ADCY9: variants seen among roughly 807,000 people sequenced by gnomAD.
The protein encoded by ADCY9 is adenylate cyclase type 9.
ADCY9 carries 50 observed loss-of-function variants against 101.5 expected under a neutral mutation model. That is an observed-to-expected ratio of 0.49 (90% CI 0.39 to 0.62). ADCY9 has a LOEUF of 0.62. Among genes scored for constraint, ADCY9 ranks in the 20% least tolerant of loss-of-function variants. ADCY9 has a pLI of 0.00. For missense variants in ADCY9, 1,662 were observed against 1,800.4 expected (o/e 0.92, Z 1.39); for synonymous variants, 905 against 769.3 (o/e 1.18, Z -2.92).
At chr16:3,956,305 CTTCT>C (rs1002057511) in intron 5 of ADCY9, among the ~76,000 whole-genome samples, 1 of 151,926 alleles carries the variant, frequency 6.6e-6, no homozygotes, top group African/African-American at 2.4e-5. Context: ...CTTTTCTTTC[CTTCT>C]AAGTGCCTGA....
At chr16:4,051,014 A>G (rs919400046) in intron 2 of ADCY9, among the ~76,000 whole-genome samples, 1 of 151,374 alleles carries the variant, frequency 6.6e-6, no homozygotes, top group African/African-American at 2.4e-5. Context: ...CAAGTTGGAG[A>G]TCAGCCTGGC....
chr16:4,042,941 T>C (rs941518083), intron 2 of ADCY9, among the ~76,000 whole-genome samples: 2 of 152,196 alleles, frequency 1.3e-5, no homozygotes, highest in Non-Finnish European at 2.9e-5. Flanking sequence ...ACTAAAAATA[T>C]TAAAACTCGG....
Position 3,965,334 on chromosome 16 carries a change from A to C in ADCY9, c.*441T>G, listed in dbSNP as rs2055980023. On this transcript the variant is annotated 3_prime_UTR_variant, in exon 11 of 11. Transcript: ENST00000294016. Reference sequence around the variant, plus strand: ...TAGAGGAACACTGTGACATAGACAGAAACAAAATAAACTCAAAAACAGGGT... The same window carrying C: ...TAGAGGAACACTGTGACATAGACAGCAACAAAATAAACTCAAAAACAGGGT... 1 of 196,028 alleles carries C rather than the reference A, an allele frequency of 5.1e-6. No individual in the cohort carries two copies. Among genetic ancestry groups the C allele is most frequent in the East Asian group, 1.3e-4 (1 of 7,740 alleles). The allele number at this position is 196,028 out of a possible 1,614,324, so 12.1% of individuals were successfully genotyped here.
At position 3,985,327 on chromosome 16, in the gene ADCY9, A is replaced by G. The variant is rs377248208; in HGVS notation, c.2311-1887T>C. 5.3e-5 allele frequency among the ~76,000 whole-genome samples: 8 copies of G among 151,844 alleles called. No individual in the cohort carries two copies. The East Asian group carries it at 1.4e-3, about 26-fold the overall frequency. ...GCTAATTTTTGTATGATTAGTAGAG[A>G]TGGGATTTCACCAAGTTGGCTAGGA... On this transcript the variant is annotated intron_variant, in intron 6 of 10. Coordinates refer to ENST00000294016, the MANE Select transcript of ADCY9 (RefSeq NM_001116.4).
At position 4,097,487 on chromosome 16, in the gene ADCY9, T is replaced by TATATATACACACACAC. The variant is rs76750792; in HGVS notation, c.1693+16262_1693+16263insGTGTGTGTGTATATAT. On this transcript the variant is annotated intron_variant, in intron 2 of 10. Coordinates refer to ENST00000294016, the MANE Select transcript of ADCY9 (RefSeq NM_001116.4). ...ATATATATATATATATATATATATA[T>TATATATACACACACAC]ACACACACACACACTATATATATGT... Among the ~76,000 whole-genome samples, 609 of 72,214 alleles carry TATATATACACACACAC rather than the reference T, an allele frequency of 8.4e-3. 10 individuals are homozygous for TATATATACACACACAC. The highest frequency in any genetic ancestry group is 0.012 in the Non-Finnish European group (440 of 37,522). The allele number at this position is 72,214 out of a possible 152,430, so 47.4% of individuals were successfully genotyped here.
At chr16:3,981,076 G>A (rs978121933) in intron 7 of ADCY9, among the ~76,000 whole-genome samples, 11 of 152,216 alleles carry the variant, frequency 7.2e-5, no homozygotes, top group African/African-American at 2.7e-4. Flanking sequence ...ACGGCCCTCA[G>A]AGGGGCCAGG....
intron 2 of ADCY9, among the ~76,000 whole-genome samples, chr16:4,071,078 C>T (rs550224708): frequency 1.3e-5 from 2 of 152,054 alleles, no homozygotes; most frequent in South Asian, 4.2e-4. Flanking sequence ...ACCTGTAATC[C>T]CGGCACTTTG....
intron 2 of ADCY9, among the ~76,000 whole-genome samples, chr16:4,075,665 G>A (rs1211175120): frequency 6.6e-6 from 1 of 152,186 alleles, no homozygotes; most frequent in African/African-American, 2.4e-5. Flanking sequence ...AGAGCTCAGT[G>A]AAGGGGAGAC....
intron 2 of ADCY9, among the ~76,000 whole-genome samples, chr16:4,013,912 T>C (rs988607109): frequency 1.3e-5 from 2 of 152,232 alleles, no homozygotes; most frequent in African/African-American, 2.4e-5. Flanking sequence ...CCTACTCATA[T>C]GCACCATAAA....
In ADCY9 at chr16:4,115,513, G is replaced by A. The variant is rs2057145370; in HGVS notation, c.-43-28C>T. 2 of 1,457,464 alleles carry A rather than the reference G, an allele frequency of 1.4e-6. No homozygotes were observed. Among genetic ancestry groups the A allele is most frequent in the African/African-American group, 1.4e-5 (1 of 70,378 alleles). The allele number at this position is 1,457,464 out of a possible 1,614,324, so 90.3% of individuals were successfully genotyped here. ...GCCAGCAAAACGGGGAGAGTTAGCGGCGCTCCCACCTAGGCATGCACGCCT... is the reference window on the plus strand; with the variant it reads ...GCCAGCAAAACGGGGAGAGTTAGCGACGCTCCCACCTAGGCATGCACGCCT... On this transcript the variant is annotated intron_variant, in intron 1 of 10. Coordinates refer to ENST00000294016, the MANE Select transcript of ADCY9 (RefSeq NM_001116.4). This position sits in a 1 kb window ranked among gnomAD's most constrained non-coding sequence, Gnocchi z 6.2.
intron 5 of ADCY9, among the ~76,000 whole-genome samples, chr16:3,990,160 A>C: frequency 6.6e-6 from 1 of 152,176 alleles, no homozygotes; most frequent in African/African-American, 2.4e-5. Flanking sequence ...TCATACAGTG[A>C]CTATCAGAAG....
chr16:3,958,673 C>T (rs1489166643), downstream of ADCY9, among the ~76,000 whole-genome samples: 7 of 103,024 alleles, frequency 6.8e-5, no homozygotes, highest in East Asian at 6.4e-4. Flanking sequence ...TCGTCGGTTA[C>T]TTTTTTTTTT....
At chr16:4,025,795 G>A (rs1336736347) in intron 2 of ADCY9, among the ~76,000 whole-genome samples, 1 of 152,214 alleles carries the variant, frequency 6.6e-6, no homozygotes, top group African/African-American at 2.4e-5. Context: ...CAGACTTTCA[G>A]GGAAGGGGGT....
chr16:4,027,607 T>C (rs2056525171), intron 2 of ADCY9, among the ~76,000 whole-genome samples: 1 of 152,160 alleles, frequency 6.6e-6, no homozygotes, highest in Non-Finnish European at 1.5e-5. Flanking sequence ...CTGGACGTGG[T>C]GGCTCACGCC....
chr16:4,110,794 A>T (rs955189874), intron 2 of ADCY9, among the ~76,000 whole-genome samples: 1 of 152,174 alleles, frequency 6.6e-6, no homozygotes, highest in Non-Finnish European at 1.5e-5. Flanking sequence ...ACGGCCATGG[A>T]AAGAGGCAGT....
chr16:4,064,996 AG>A (rs2056792554), intron 2 of ADCY9, among the ~76,000 whole-genome samples: 1 of 152,158 alleles, frequency 6.6e-6, no homozygotes, highest in Non-Finnish European at 1.5e-5. Context: ...AGAGTGACAG[AG>A]GGAGGAGAAG....
In ADCY9 at chr16:4,114,948, G is replaced by T; in HGVS notation, c.495C>A (p.Thr165=). The T allele has an allele frequency of 6.2e-7, 1 of 1,613,958 alleles. No individual in the cohort carries two copies. The highest frequency in any genetic ancestry group is 8.5e-7 in the Non-Finnish European group (1 of 1,180,032). The stretch of plus-strand genomic sequence containing the variant: ...ACGCGTAATGCCGGGCGTACAGCTT[G>T]GTGAAGGTAAACAGAAAGAAGCCCA... ...VCVGFFLFTF[T]KLYARHYAWT... is the part of the protein sequence containing the mutation. The change falls in exon 2 of 11, where the codon ACC becomes ACA. Residue 165 remains threonine, a synonymous_variant. Coordinates refer to ENST00000294016, the MANE Select transcript of ADCY9 (RefSeq NM_001116.4). The surrounding 1 kb of genome is among the most constrained non-coding windows in gnomAD (Gnocchi z 4.3).
intron 2 of ADCY9, among the ~76,000 whole-genome samples, chr16:4,012,042 T>C (rs2056407821): frequency 6.6e-6 from 1 of 152,214 alleles, no homozygotes; most frequent in Admixed American, 6.5e-5. Context: ...ACAAAAGCAT[T>C]TGCAAAACTG....
downstream of ADCY9, among the ~76,000 whole-genome samples, chr16:3,959,495 G>T (rs142044905): frequency 5.4e-4 from 82 of 151,982 alleles, no homozygotes; most frequent in African/African-American, 1.9e-3. Flanking sequence ...TTTCTCAAAT[G>T]CTCTCATGTA....
Sources: allele counts gnomAD v4.1 joint callset (sites outside exome capture counted in the v4.1 genomes callset), GRCh38; gene constraint gnomAD v4.1.1; non-coding constraint Gnocchi (gnomAD v3.1); transcripts MANE v1.5; gene names NCBI Gene and HGNC (gene_info 2026-07-23, HGNC 2026-07-21).